Variants in MYO1B observed in about 807,000 individuals in gnomAD.
MYO1B encodes unconventional myosin-Ib.
MYO1B carries 72 observed loss-of-function variants against 159.7 expected under a neutral mutation model. The ratio of observed to expected loss-of-function variants is 0.45; its 90% CI spans 0.37 to 0.55. The LOEUF is 0.55. Ranked by LOEUF, MYO1B falls within the 20% of genes least tolerant of loss-of-function variation. The pLI is 0.00. For synonymous variants in MYO1B, 468 were observed against 473.8 expected (o/e 0.99, Z 0.16); for missense variants, 1,062 against 1,364.8 (o/e 0.78, Z 3.50).
At chr2:191,354,268 T>C (rs1693124799) in intron 7 of MYO1B, among the ~76,000 whole-genome samples, 1 of 137,858 alleles carries the variant, frequency 7.3e-6, no homozygotes, top group South Asian at 2.2e-4. Flanking sequence ...ATAATAATAA[T>C]AATAATAATA....
At position 191,245,425 on chromosome 2, in the gene MYO1B, G is replaced by C. The variant is rs1042477864; in HGVS notation, c.-211G>C. 3.9e-5 allele frequency: 6 copies of C among 152,038 alleles called. No individual in the cohort carries two copies. The highest frequency in any genetic ancestry group is 4.8e-5 in the African/African-American group (2 of 41,436). 9.4% of individuals were successfully genotyped at this position (152,038 alleles called of 1,614,324 possible). ...CGCTGAGCACTCCGCAGCTGGGTGC[G>C]CACGGGAGCCTCAACCGCGGCGCGT... On this transcript the variant is annotated 5_prime_UTR_variant, in exon 1 of 31. Transcript: ENST00000392318.
At chr2:191,407,905 C>T in intron 24 of MYO1B, 2 of 382,528 alleles carry the variant, frequency 5.2e-6, no homozygotes, top group Non-Finnish European at 4.6e-6. Flanking sequence ...AACATCAATT[C>T]ATGCTGGTTT....
intron 24 of MYO1B, among the ~76,000 whole-genome samples, chr2:191,405,459 T>C (rs971788541): frequency 6.6e-6 from 1 of 152,244 alleles, no homozygotes; most frequent in Non-Finnish European, 1.5e-5. Context: ...ATGACTCTTT[T>C]CTGGAAAGTT....
chr2:191,367,710 G>C (rs1362890127), intron 11 of MYO1B, among the ~76,000 whole-genome samples: 1 of 152,066 alleles, frequency 6.6e-6, no homozygotes, highest in African/African-American at 2.4e-5. Context: ...ACAAAAACAT[G>C]GTGTTTTGAA....
At chr2:191,272,566 A>G (rs1687516186) in intron 1 of MYO1B, among the ~76,000 whole-genome samples, 1 of 152,120 alleles carries the variant, frequency 6.6e-6, no homozygotes. Context: ...GATAGGTTAC[A>G]TCTCTATGTC....
At chr2:191,400,317 T>C in intron 21 of MYO1B, 65 bp from the exon 22 acceptor site, 1 of 1,564,134 alleles carries the variant, frequency 6.4e-7, no homozygotes, top group South Asian at 1.1e-5. Context: ...CAGGTTTTTT[T>C]TTCAAGTCAC....
At chr2:191,336,997 AT>A (rs1323421109) in intron 4 of MYO1B, among the ~76,000 whole-genome samples, 1 of 152,212 alleles carries the variant, frequency 6.6e-6, no homozygotes, top group Non-Finnish European at 1.5e-5. Flanking sequence ...ATATCTATGA[AT>A]TTATCCATAG....
chr2:191,403,119 A>G (rs1406391160), intron 24 of MYO1B, among the ~76,000 whole-genome samples: 1 of 152,154 alleles, frequency 6.6e-6, no homozygotes, highest in African/African-American at 2.4e-5. Context: ...TTTTGTACCA[A>G]TTCTGCTCCA....
intron 7 of MYO1B, among the ~76,000 whole-genome samples, chr2:191,354,524 C>G (rs1015167159): frequency 1.3e-5 from 2 of 152,042 alleles, no homozygotes; most frequent in African/African-American, 2.4e-5. Flanking sequence ...TGACTTTGTT[C>G]AGCTTGAAAA....
intron 3 of MYO1B, among the ~76,000 whole-genome samples, chr2:191,322,991 A>T (rs1172484904): frequency 6.6e-6 from 1 of 152,098 alleles, no homozygotes; most frequent in Non-Finnish European, 1.5e-5. Context: ...CAAGGGGTGG[A>T]TTATTCTTGA....
At chr2:191,334,336 A>G (rs1316304323) in intron 4 of MYO1B, among the ~76,000 whole-genome samples, 1 of 152,078 alleles carries the variant, frequency 6.6e-6, no homozygotes, top group Non-Finnish European at 1.5e-5. Context: ...CTGGAGCCAG[A>G]TTCCATCTCC....
intron 13 of MYO1B, among the ~76,000 whole-genome samples, chr2:191,374,256 C>T (rs528419366): frequency 1.3e-5 from 2 of 152,290 alleles, no homozygotes; most frequent in African/African-American, 4.8e-5. Flanking sequence ...AGATCCACAT[C>T]AAGGCAAAAA....
chr2:191,407,133 A>G (rs796140122), intron 24 of MYO1B, among the ~76,000 whole-genome samples: 6 of 152,352 alleles, frequency 3.9e-5, no homozygotes, highest in African/African-American at 1.4e-4. Flanking sequence ...TTTAAGAGAA[A>G]TCTGCAGTCT....
At chr2:191,271,341 C>T (rs988260170) in intron 1 of MYO1B, among the ~76,000 whole-genome samples, 30 of 152,182 alleles carry the variant, frequency 2.0e-4, no homozygotes, top group African/African-American at 7.0e-4. Flanking sequence ...ACTGCTTTCA[C>T]TAAGTTTTCC....
intron 5 of MYO1B, among the ~76,000 whole-genome samples, chr2:191,345,199 G>A (rs1444366241): frequency 2.0e-5 from 3 of 152,128 alleles, no homozygotes; most frequent in Admixed American, 6.5e-5. Flanking sequence ...TGGTAGAAAC[G>A]GAGGATCTCA....
intron 5 of MYO1B, among the ~76,000 whole-genome samples, chr2:191,345,339 A>G (rs551257246): frequency 1.3e-5 from 2 of 152,300 alleles, no homozygotes; most frequent in Non-Finnish European, 2.9e-5. Flanking sequence ...GATCGCCTCT[A>G]CTTATACAAC....
intron 11 of MYO1B, among the ~76,000 whole-genome samples, chr2:191,364,978 C>T (rs1434315975): frequency 6.6e-6 from 1 of 150,742 alleles, no homozygotes; most frequent in African/African-American, 2.5e-5. Flanking sequence ...GGCCTCCCTG[C>T]CTTACTTCTT....
chr2:191,281,431 C>T (rs533430248), intron 2 of MYO1B, among the ~76,000 whole-genome samples: 1 of 152,184 alleles, frequency 6.6e-6, no homozygotes, highest in African/African-American at 2.4e-5. Context: ...GGCCCAGCTG[C>T]AGGACATGCT....
chr2:191,303,521 T>C (rs931437982), intron 3 of MYO1B, among the ~76,000 whole-genome samples: 5 of 152,220 alleles, frequency 3.3e-5, no homozygotes, highest in Non-Finnish European at 7.3e-5. Flanking sequence ...CAAATATTTA[T>C]TGAGAGCTTA....
Sources: allele counts gnomAD v4.1 joint callset (sites outside exome capture counted in the v4.1 genomes callset), GRCh38; gene constraint gnomAD v4.1.1; transcripts MANE v1.5; gene names NCBI Gene and HGNC (gene_info 2026-07-23, HGNC 2026-07-21).